The following ARHGAP12 variants were observed in gnomAD, a reference collection of about 807,000 sequenced individuals.
ARHGAP12 encodes rho GTPase-activating protein 12.
ARHGAP12 carries 64 observed loss-of-function variants against 108.6 expected under a neutral mutation model. That is an observed-to-expected ratio of 0.59 (90% CI 0.48 to 0.73). ARHGAP12 has a LOEUF of 0.73. ARHGAP12 is among the 30% of genes least tolerant of loss of function. The probability of loss-of-function intolerance (pLI) is 0.00; values close to 1 mark genes in which losing one functional copy is unlikely to be tolerated. For synonymous variants in ARHGAP12, 312 were observed against 337.2 expected (o/e 0.93, Z 0.82); for missense variants, 940 against 1,005.9 (o/e 0.93, Z 0.89).
intron 13 of ARHGAP12, among the ~76,000 whole-genome samples, chr10:31,815,831 C>G (rs148555922): frequency 1.1e-3 from 173 of 152,256 alleles, no homozygotes; most frequent in Non-Finnish European, 2.0e-3. Flanking sequence ...ACTTTGGAAA[C>G]AGTATGTATT....
intron 9 of ARHGAP12, among the ~76,000 whole-genome samples, chr10:31,838,194 G>A (rs576531612): frequency 6.6e-6 from 1 of 152,272 alleles, no homozygotes; most frequent in South Asian, 2.1e-4. Context: ...GAATGTTTCA[G>A]CATGCAGAAG....
At chr10:31,849,296 C>T (rs1836582914) in intron 6 of ARHGAP12, among the ~76,000 whole-genome samples, 1 of 152,132 alleles carries the variant, frequency 6.6e-6, no homozygotes, top group African/African-American at 2.4e-5. Flanking sequence ...CTACACCTAA[C>T]CCAGAGTGTT....
intron 11 of ARHGAP12, among the ~76,000 whole-genome samples, chr10:31,822,977 T>C (rs1161038720): frequency 6.6e-6 from 1 of 151,994 alleles, no homozygotes. Flanking sequence ...TTTTTAGAAA[T>C]TTGAAAGCAT....
chr10:31,908,043 A>C, intron 3 of ARHGAP12, 129 bp downstream of exon 3: 3 of 856,156 alleles, frequency 3.5e-6, no homozygotes, highest in Non-Finnish European at 5.2e-6. Context: ...CTAAATCAGG[A>C]TAGAACCCAT....
chr10:31,873,978 T>A (rs1398692828), intron 3 of ARHGAP12, among the ~76,000 whole-genome samples: 1 of 152,182 alleles, frequency 6.6e-6, no homozygotes, highest in African/African-American at 2.4e-5. Flanking sequence ...CCCTGGGGAC[T>A]TGAATGGTAA....
intron 11 of ARHGAP12, among the ~76,000 whole-genome samples, chr10:31,825,897 T>C (rs1835587727): frequency 6.6e-6 from 1 of 152,168 alleles, no homozygotes; most frequent in Non-Finnish European, 1.5e-5. Flanking sequence ...AATCACTGAT[T>C]TGTAACCAAT....
chr10:31,826,878 C>T (rs1159521910), intron 10 of ARHGAP12: 4 of 152,692 alleles, frequency 2.6e-5, no homozygotes, highest in Non-Finnish European at 5.8e-5. Context: ...AGGTGCATTA[C>T]AGGCATACAA....
intron 1 of ARHGAP12, among the ~76,000 whole-genome samples, chr10:31,926,417 G>A (rs543102814): frequency 4.2e-4 from 63 of 151,768 alleles, no homozygotes; most frequent in Non-Finnish European, 7.2e-4. Flanking sequence ...TTGAAGTACA[G>A]TGATGCTATG....
intron 4 of ARHGAP12, among the ~76,000 whole-genome samples, chr10:31,857,335 T>C (rs373482900): frequency 3.3e-5 from 5 of 152,134 alleles, no homozygotes; most frequent in African/African-American, 1.2e-4. Flanking sequence ...AAATACTTTT[T>C]TACAATTCAA....
chr10:31,908,051 C>A, intron 3 of ARHGAP12, 121 bp downstream of exon 3: 2 of 918,184 alleles, frequency 2.2e-6, no homozygotes, highest in Non-Finnish European at 3.2e-6. Context: ...GGATAGAACC[C>A]ATGTACTCTG....
intron 10 of ARHGAP12, among the ~76,000 whole-genome samples, chr10:31,831,154 C>T (rs962444007): frequency 3.3e-5 from 5 of 151,962 alleles, no homozygotes; most frequent in East Asian, 3.9e-4. Context: ...TAGTTTAAAA[C>T]GTGCAAATAA....
At position 31,855,127 on chromosome 10, in the gene ARHGAP12, G is replaced by A. The variant is rs1328449751; in HGVS notation, c.949-921C>T. ...GGAGGGGAGGGAGAGGAAGGGAGGG[G>A]GAGAAGGGGAGGGGAAAGGGAGGGG... is the stretch of plus-strand genomic sequence containing the variant. On this transcript the variant is annotated intron_variant, in intron 4 of 19. Coordinates refer to ENST00000344936, the MANE Select transcript of ARHGAP12 (RefSeq NM_018287.7). 4.1e-5 allele frequency among the ~76,000 whole-genome samples: 4 copies of A among 97,418 alleles called. No individual in the cohort carries two copies. The East Asian group carries it at 1.6e-3, about 38-fold the overall frequency. The allele number at this position is 97,418 out of a possible 152,430, so 63.9% of individuals were successfully genotyped here.
intron 6 of ARHGAP12, among the ~76,000 whole-genome samples, chr10:31,846,898 C>CTTT (rs1836479936): frequency 9.1e-6 from 1 of 109,728 alleles, no homozygotes; most frequent in Non-Finnish European, 1.8e-5. Flanking sequence ...AGGCACTGTT[C>CTTT]ATTTTTTTTT....
At chr10:31,912,764 G>A (rs1839404009) in intron 1 of ARHGAP12, among the ~76,000 whole-genome samples, 1 of 152,126 alleles carries the variant, frequency 6.6e-6, no homozygotes. Context: ...TGGGGAAACA[G>A]GTTGGGAAGC....
chr10:31,850,679 T>C (rs929008782), intron 6 of ARHGAP12, among the ~76,000 whole-genome samples: 34 of 152,314 alleles, frequency 2.2e-4, no homozygotes, highest in African/African-American at 7.2e-4. Flanking sequence ...TTCCCACTTA[T>C]AAGTTTTATT....
intron 1 of ARHGAP12, among the ~76,000 whole-genome samples, chr10:31,916,968 C>T (rs535640995): frequency 9.2e-5 from 14 of 152,210 alleles, no homozygotes; most frequent in Admixed American, 7.8e-4. Flanking sequence ...AATCCAGATA[C>T]GTATAACCTA....
At chr10:31,927,486 C>G (rs1239205292) in intron 1 of ARHGAP12, among the ~76,000 whole-genome samples, 1 of 152,146 alleles carries the variant, frequency 6.6e-6, no homozygotes, top group Non-Finnish European at 1.5e-5. Context: ...TGAATCAGAA[C>G]CCGAGTGAGC....
At chr10:31,881,981 C>G (rs1351146997) in intron 3 of ARHGAP12, among the ~76,000 whole-genome samples, 1 of 145,448 alleles carries the variant, frequency 6.9e-6, no homozygotes, top group East Asian at 2.0e-4. Context: ...GTGGCTGGAT[C>G]TCGGCTCACT....
chr10:31,919,162 C>A (rs1839684753), intron 1 of ARHGAP12, among the ~76,000 whole-genome samples: 1 of 152,062 alleles, frequency 6.6e-6, no homozygotes, highest in Non-Finnish European at 1.5e-5. Flanking sequence ...ATATAAGGTA[C>A]CTAGAGTAGT....
Sources: gnomAD v4.1 joint callset for allele counts (sites outside exome capture counted in the v4.1 genomes callset) on GRCh38, gnomAD v4.1.1 for gene constraint, MANE v1.5 for transcripts, NCBI Gene and HGNC (gene_info 2026-07-23, HGNC 2026-07-21) for gene names.